IQSEC3: variants seen among roughly 807,000 people sequenced by gnomAD.
IQSEC3 encodes IQ motif and Sec7 domain ArfGEF 3, also known as IQ motif and SEC7 domain-containing protein 3.
Under a neutral mutation model 105.4 loss-of-function variants are expected in IQSEC3, and 50 were observed. The observed-to-expected ratio is 0.47, with a 90% CI of 0.38 to 0.60. The LOEUF (loss-of-function observed/expected upper bound fraction) is 0.60, where lower values mean the gene tolerates loss of function less well. IQSEC3 is among the 20% of genes least tolerant of loss of function. IQSEC3 has a pLI of 0.00. For missense variants in IQSEC3, 1,415 were observed against 1,630.0 expected, an observed-to-expected ratio of 0.87 and a Z score of 2.27; for synonymous variants, 708 against 746.0, an observed-to-expected ratio of 0.95 and a Z score of 0.83.
chr12:107,409 T>TC (rs1173202749), intron 2 of IQSEC3, among the ~76,000 whole-genome samples: 52 of 132,330 alleles, frequency 3.9e-4, no homozygotes, highest in African/African-American at 1.4e-3. Flanking sequence ...TTTCTTTTTT[T>TC]TTTTTTTTTT....
chr12:69,681 G>A (rs1231152121), intron 1 of IQSEC3, among the ~76,000 whole-genome samples: 3 of 152,268 alleles, frequency 2.0e-5, no homozygotes, highest in Non-Finnish European at 4.4e-5. Flanking sequence ...TTCCTTGGAT[G>A]TGAAAACATG....
chr12:95,240 A>G (rs1453394181), intron 1 of IQSEC3, among the ~76,000 whole-genome samples: 7 of 152,216 alleles, frequency 4.6e-5, no homozygotes, highest in African/African-American at 1.7e-4. Flanking sequence ...CAGTTTTCTC[A>G]TTTGTAAAAT....
At chr12:132,514 C>G (rs1441284096) in intron 3 of IQSEC3, among the ~76,000 whole-genome samples, 2 of 152,094 alleles carry the variant, frequency 1.3e-5, no homozygotes, top group African/African-American at 2.4e-5. Context: ...AGTAAGGATG[C>G]TGCTGGCATG....
At position 174,753 on chromosome 12, in the gene IQSEC3, T is replaced by C. The variant is rs1216584694; in HGVS notation, c.3269T>C (p.Leu1090Pro). Residue 1090 changes from leucine to proline, a missense_variant, in exon 14 of 14, where the codon CTG (leucine) becomes CCG (proline). Leu to Pro is a moderately conservative substitution (Grantham distance 98). This residue lies in a region of IQSEC3 where 419 missense variants were observed against 436.2 expected (regional missense o/e 0.96). Transcript: ENST00000538872. ...PPPPPTPPGT[L>P]VQCQQIVKVI... is the part of the protein sequence containing the mutation. ...CCGCCACCCACGCCCCCGGGCACCC[T>C]GGTGCAGTGCCAGCAAATTGTCAAG... is the stretch of plus-strand genomic sequence containing the variant. 6 of 1,590,154 alleles carry C rather than the reference T, an allele frequency of 3.8e-6. No homozygotes were observed. The highest frequency in any genetic ancestry group is 5.1e-6 in the Non-Finnish European group (6 of 1,177,164).
chr12:69,350 C>A (rs1267207599), intron 1 of IQSEC3, among the ~76,000 whole-genome samples: 1 of 152,272 alleles, frequency 6.6e-6, no homozygotes, highest in Non-Finnish European at 1.5e-5. Flanking sequence ...TGCTCGGAAT[C>A]CTGGGATTTA....
chr12:138,960 TCTGGGCGGGAGGC>T lies in IQSEC3; in HGVS notation c.1599_1611del (p.Gly534ArgfsTer60), dbSNP rs1555087899. On this transcript the variant is annotated frameshift_variant, in exon 4 of 14. Transcript: ENST00000538872. LOFTEE classifies it high-confidence loss of function. This position sits in a 1 kb window ranked among gnomAD's most constrained non-coding sequence, Gnocchi z 7.1. ...GGGCAAGGCCGAGCAGGGCGAGACC[TCTGGGCGGGAGGC>T]CCCGGAAGCCCCCGCCGTGGGCCGG... is the stretch of plus-strand genomic sequence containing the variant. 1 of 1,560,004 alleles carries T rather than the reference TCTGGGCGGGAGGC, an allele frequency of 6.4e-7. No individual in the cohort carries two copies. The highest frequency in any genetic ancestry group is 2.4e-5 in the East Asian group (1 of 42,370).
At chr12:104,776 G>A (rs941702838) in intron 2 of IQSEC3, among the ~76,000 whole-genome samples, 8 of 152,264 alleles carry the variant, frequency 5.3e-5, no homozygotes, top group Non-Finnish European at 2.9e-5. Flanking sequence ...GAACGGCTGC[G>A]GGGATAGCCC....
intron 1 of IQSEC3, among the ~76,000 whole-genome samples, chr12:80,746 G>A (rs573206739): frequency 9.2e-5 from 14 of 152,314 alleles, no homozygotes; most frequent in African/African-American, 2.2e-4. Context: ...GAGCCCTGGA[G>A]AAAAAGCAGA....
intron 1 of IQSEC3, among the ~76,000 whole-genome samples, chr12:93,222 C>G (rs531425182): frequency 3.9e-5 from 6 of 152,270 alleles, no homozygotes; most frequent in South Asian, 2.1e-4. Flanking sequence ...ATGGACCCCC[C>G]CAAAGCTTCA....
rs527919706 is a variant in IQSEC3 at position 132,112 on chromosome 12, G to A, written c.904-6155G>A. 8.1e-4 allele frequency among the ~76,000 whole-genome samples: 123 copies of A among 152,260 alleles called. 1 individual carries two copies. The highest frequency in any genetic ancestry group is 5.5e-4 in the African/African-American group (23 of 41,550). On this transcript the variant is annotated intron_variant, in intron 3 of 13. Transcript: ENST00000538872. ...CGAGGCAGGGAGACCCCGTCTGTTC[G>A]GGGCATTGAGAGGGCTGCATGGAGG...
chr12:157,824 G>A, intron 7 of IQSEC3, 130 bp downstream of exon 7: 1 of 1,055,884 alleles, frequency 9.5e-7, no homozygotes, highest in Non-Finnish European at 1.3e-6. Flanking sequence ...GTCACCCATA[G>A]CAAGCTGGGA....
At chr12:151,623 C>T (rs1555092723) in intron 5 of IQSEC3, among the ~76,000 whole-genome samples, 1 of 152,238 alleles carries the variant, frequency 6.6e-6, no homozygotes, top group African/African-American at 2.4e-5. Context: ...TGTCGCTCCT[C>T]TGATCATACC....
chr12:67,120 C>A lies in IQSEC3; in HGVS notation c.238C>A (p.Pro80Thr), dbSNP rs1863120084. ...PPSSAPLPAA[P>T]ATAPAAAARA... The stretch of plus-strand genomic sequence containing the variant: ...GTCATCGGCCCCGCTGCCGGCCGCT[C>A]CGGCCACCGCTCCTGCCGCCGCCGC... Residue 80 changes from proline (P) to threonine (T), a missense_variant, in exon 1 of 14, where the codon CCG becomes ACG. Around this residue, in one of 6 missense-constraint regions of IQSEC3, gnomAD observed 3 missense variants for 66.2 expected, o/e 0.05. Transcript: ENST00000538872. The A allele has an allele frequency of 6.6e-7, 1 of 1,519,792 alleles. No individual in the cohort carries two copies. The highest frequency in any genetic ancestry group is 1.4e-5 in the African/African-American group (1 of 70,702). 94.1% of individuals were successfully genotyped at this position (1,519,792 alleles called of 1,614,324 possible).
At chr12:141,445 C>T in intron 5 of IQSEC3, 160 bp downstream of exon 5, 2 of 727,158 alleles carry the variant, frequency 2.8e-6, no homozygotes, top group Non-Finnish European at 4.4e-6. Flanking sequence ...GCCCATCACC[C>T]CAGTGGGCCG....
intron 1 of IQSEC3, among the ~76,000 whole-genome samples, chr12:70,247 G>A (rs1289401767): frequency 1.3e-5 from 2 of 152,240 alleles, no homozygotes; most frequent in Non-Finnish European, 2.9e-5. Flanking sequence ...CCAATTCCAG[G>A]AGAGGCAGAA....
rs758958424 is a variant in IQSEC3, at chr12:174,711, C to A, written c.3227C>A (p.Thr1076Asn). 1.3e-6 allele frequency: 2 copies of A among 1,593,676 alleles called. No individual in the cohort carries two copies. Among genetic ancestry groups the A allele is most frequent in the Admixed American group, 1.7e-5 (1 of 59,596 alleles). The change falls in exon 14 of 14, where the codon ACC becomes AAC. Residue 1076 changes from threonine to asparagine, a missense_variant. Transcript: ENST00000538872. The stretch of plus-strand genomic sequence containing the variant: ...CAGCCTAGCCCCCCGAGACAGCAGA[C>A]CCCACCACTGCCGCCGCCGCCACCC... ...DLQPSPPRQQ[T>N]PPLPPPPPTP...
At chr12:161,418 C>A (rs1181983040) in intron 7 of IQSEC3, among the ~76,000 whole-genome samples, 1 of 152,120 alleles carries the variant, frequency 6.6e-6, no homozygotes, top group Non-Finnish European at 1.5e-5. Context: ...CCACTGCTCC[C>A]AGTGAGGGAG....
intron 5 of IQSEC3, among the ~76,000 whole-genome samples, chr12:154,234 G>A (rs936406326): frequency 1.3e-5 from 2 of 152,222 alleles, no homozygotes; most frequent in South Asian, 4.1e-4. Context: ...TGAGTGAACG[G>A]CTGCTTGTCA....
At chr12:145,440 T>C (rs981580337) in intron 5 of IQSEC3, among the ~76,000 whole-genome samples, 2 of 152,154 alleles carry the variant, frequency 1.3e-5, no homozygotes, top group African/African-American at 4.8e-5. Flanking sequence ...TATTTCATTA[T>C]TATCTTTTCT....
Sources: allele counts gnomAD v4.1 joint callset (sites outside exome capture counted in the v4.1 genomes callset), GRCh38; gene constraint gnomAD v4.1.1; regional missense constraint gnomAD v4.1.1; non-coding constraint Gnocchi (gnomAD v3.1); transcripts MANE v1.5; gene names NCBI Gene and HGNC (gene_info 2026-07-23, HGNC 2026-07-21).